Variants in CNTNAP1 observed in about 807,000 individuals in gnomAD.
The protein encoded by CNTNAP1 is contactin-associated protein 1.
A neutral mutation model predicts 161.5 loss-of-function variants in CNTNAP1; 80 were observed. The observed-to-expected ratio is 0.50, with a 90% CI of 0.41 to 0.60. The LOEUF (loss-of-function observed/expected upper bound fraction) is 0.60, where lower values mean the gene tolerates loss of function less well. CNTNAP1 is among the 20% of genes least tolerant of loss of function. The pLI, the probability that CNTNAP1 is intolerant of heterozygous loss-of-function variation, is 0.00. For synonymous variants in CNTNAP1, 695 were observed against 733.1 expected, an observed-to-expected ratio of 0.95 and a Z score of 0.84; for missense variants, 1,464 against 1,854.8, an observed-to-expected ratio of 0.79 and a Z score of 3.87.
rs2053168442 is a variant in CNTNAP1, at chr17:42,697,649, A to G, written c.3664A>G (p.Lys1222Glu). ...TCGATTCAACAACGTGGCTCCCCTC[A>G]AGACCCACTTCCGAACCCCTCGACC... is the stretch of plus-strand genomic sequence containing the variant. Reference protein sequence around the residue: ...GVRFNNVAPLKTHFRTPRPMT... With the variant: ...GVRFNNVAPLETHFRTPRPMT... The change falls in exon 22 of 24, where the codon AAG becomes GAG. Residue 1222 changes from lysine (K) to glutamate (E), a missense_variant. Lys to Glu is a moderately conservative substitution (Grantham distance 56, BLOSUM62 1). Transcript: ENST00000264638. 2 of 1,613,966 alleles carry G rather than the reference A, an allele frequency of 1.2e-6. No homozygotes were observed. The highest frequency in any genetic ancestry group is 8.5e-7 in the Non-Finnish European group (1 of 1,180,006).
intron 18 of CNTNAP1, among the ~76,000 whole-genome samples, chr17:42,694,524 G>A (rs1265809621): frequency 1.3e-5 from 2 of 152,000 alleles, no homozygotes; most frequent in African/African-American, 4.8e-5. Flanking sequence ...TAGCTACTCG[G>A]GAGGCTGAGG....
chr17:42,682,753 C>G lies in CNTNAP1; in HGVS notation c.-77C>G. On this transcript the variant is annotated 5_prime_UTR_variant, in exon 1 of 24. Transcript: ENST00000264638. ...TCTGCTGCAAACCCCAGGAGGAGAG[C>G]TTGGAGCCCAAGCCAGAACTCGAGC... 1 of 1,456,586 alleles carries G rather than the reference C, an allele frequency of 6.9e-7. No individual in the cohort carries two copies. Among genetic ancestry groups the G allele is most frequent in the Non-Finnish European group, 9.3e-7 (1 of 1,071,530 alleles). The allele number at this position is 1,456,586 out of a possible 1,614,324, so 90.2% of individuals were successfully genotyped here. A position where few individuals can be genotyped will look rare whatever the true frequency, so the allele number is the denominator to read the frequency against.
chr17:42,687,579 T>C lies in CNTNAP1; in HGVS notation c.1045-141T>C. ...ATGGACGAGCTTGGAGGGGAAGAGGTCACGTCATGGTTGGAGATCTCACCC... is the reference window on the plus strand; with the variant it reads ...ATGGACGAGCTTGGAGGGGAAGAGGCCACGTCATGGTTGGAGATCTCACCC... On this transcript the variant is annotated intron_variant, in intron 7 of 23. Transcript: ENST00000264638. This position sits in a 1 kb window ranked among gnomAD's most constrained non-coding sequence, Gnocchi z 4.7. 1.8e-6 allele frequency: 2 copies of C among 1,125,428 alleles called. No individual in the cohort carries two copies. The highest frequency in any genetic ancestry group is 2.6e-6 in the Non-Finnish European group (2 of 782,854). The allele number at this position is 1,125,428 out of a possible 1,614,324, so 69.7% of individuals were successfully genotyped here. A position where few individuals can be genotyped will look rare whatever the true frequency, so the allele number is the denominator to read the frequency against.
In CNTNAP1 at chr17:42,693,465, G is replaced by GTTTC; in HGVS notation, c.2921_2922insTTTC (p.Val975PhefsTer6). ...CTCCCCTGTTTCCATGGAGGCCGCTGCGTGGAGCGCTATAGCTACTACACG... is the reference window on the plus strand; with the variant it reads ...CTCCCCTGTTTCCATGGAGGCCGCTGTTTCCGTGGAGCGCTATAGCTACTACACG... On this transcript the variant is annotated frameshift_variant, in exon 18 of 24. Transcript: ENST00000264638. LOFTEE classifies it high-confidence loss of function. 1 of 1,614,240 alleles carries GTTTC rather than the reference G, an allele frequency of 6.2e-7. No individual in the cohort carries two copies. The highest frequency in any genetic ancestry group is 8.5e-7 in the Non-Finnish European group (1 of 1,180,058).
Position 42,697,921 on chromosome 17 carries a change from A to G in CNTNAP1, c.3833A>G (p.Asp1278Gly). Residue 1278 changes from aspartate (D) to glycine (G), a missense_variant, in exon 23 of 24, where the codon GAT (aspartate) becomes GGT (glycine). By Grantham distance (94) the Asp-to-Gly change is moderately conservative (BLOSUM62 -1). Transcript: ENST00000264638. ...YLPPDFPYYH[D>G]EGWVAILLGF... The stretch of plus-strand genomic sequence containing the variant: ...TCTCCAGACTTCCCCTACTACCATG[A>G]TGAAGGATGGGTTGCCATACTTTTA... 1 of 1,614,156 alleles carries G rather than the reference A, an allele frequency of 6.2e-7. No homozygotes were observed. Among genetic ancestry groups the G allele is most frequent in the Non-Finnish European group, 8.5e-7 (1 of 1,180,016 alleles).
rs181834190 is a variant in CNTNAP1, at chr17:42,683,432, C to T, written c.68-389C>T. On this transcript the variant is annotated intron_variant, in intron 1 of 23. Transcript: ENST00000264638. ...GCAAGGCCTGTATTTGGGGATGGTG[C>T]AGGTTTTGGGGGCCGAGTTGGATTG... The T allele has an allele frequency of 3.2e-5, 35 of 1,095,162 alleles. 1 individual carries two copies. The African/African-American group carries it at 5.7e-4, about 18-fold the overall frequency. The allele number at this position is 1,095,162 out of a possible 1,614,324, so 67.8% of individuals were successfully genotyped here.
Position 42,692,588 on chromosome 17 carries a change from G to A in CNTNAP1, c.2620G>A (p.Glu874Lys), listed in dbSNP as rs759437296. The A allele has an allele frequency of 2.0e-5, 33 of 1,614,052 alleles. No individual in the cohort carries two copies. Among genetic ancestry groups the A allele is most frequent in the East Asian group, 4.5e-5 (2 of 44,900 alleles). Residue 874 changes from glutamate (E) to lysine (K), a missense_variant, in exon 17 of 24, where the codon GAG becomes AAG. By Grantham distance (56) the Glu-to-Lys change is moderately conservative (BLOSUM62 1). Around this residue, in one of 3 missense-constraint regions of CNTNAP1, gnomAD observed 1,383 missense variants for 1,765.0 expected, o/e 0.78. Transcript: ENST00000264638. ...HSDDFEFNDDEWHLVRAEINV... is the reference protein window; with the variant it reads ...HSDDFEFNDDKWHLVRAEINV... ...AGACGACTTTGAGTTCAATGATGAC[G>A]AGTGGCACCTGGTCCGGGCTGAAAT...
Position 42,685,452 on chromosome 17 carries a change from C to G in CNTNAP1, c.715+32C>G. The G allele has an allele frequency of 1.3e-6, 2 of 1,579,892 alleles. No homozygotes were observed. The highest frequency in any genetic ancestry group is 3.4e-5 in the Admixed American group (2 of 58,584). ...TCGGCGACCATGTGCGATGCGGAGCCAACCCCTGAAGCTCTCTCACCGCCC... is the reference window on the plus strand; with the variant it reads ...TCGGCGACCATGTGCGATGCGGAGCGAACCCCTGAAGCTCTCTCACCGCCC... On this transcript the variant is annotated intron_variant, in intron 5 of 23. Coordinates refer to ENST00000264638, the MANE Select transcript of CNTNAP1 (RefSeq NM_003632.3). The surrounding 1 kb of genome is among the most constrained non-coding windows in gnomAD (Gnocchi z 5.0).
intron 6 of CNTNAP1, among the ~76,000 whole-genome samples, chr17:42,686,559 TG>T (rs1221506106): frequency 1.7e-4 from 25 of 146,868 alleles, no homozygotes; most frequent in Non-Finnish European, 3.0e-5. Context: ...AGATGGGGTT[TG>T]GAAATTCAGA....
chr17:42,689,416 C>G, intron 10 of CNTNAP1, 105 bp from the exon 11 acceptor site: 1 of 883,770 alleles, frequency 1.1e-6, no homozygotes. Flanking sequence ...TGTGTCTCAC[C>G]GGGTTCTGGG....
At chr17:42,686,878 G>A (rs374901318) in intron 6 of CNTNAP1, 25 bp from the exon 7 acceptor site, 155 of 1,582,844 alleles carry the variant, frequency 9.8e-5, no homozygotes, top group Non-Finnish European at 1.3e-4. Flanking sequence ...TGCCCAAGAG[G>A]CCTCATTCCC....
rs2052970302 is a variant in CNTNAP1, at chr17:42,683,855, T to G, written c.102T>G (p.Tyr34Ter). 1.2e-6 allele frequency: 2 copies of G among 1,612,708 alleles called. No homozygotes were observed. Among genetic ancestry groups the G allele is most frequent in the African/African-American group, 1.3e-5 (1 of 74,886 alleles). The change falls in exon 2 of 24, where the codon TAT (tyrosine) becomes TAG (stop). Residue 34 changes from tyrosine (Y) to a stop codon, truncating the protein, a stop_gained. Transcript: ENST00000264638. LOFTEE classifies it high-confidence loss of function. ...ACGAGGAGCTGGTGGGTCCCCTGTA[T>G]GCACGCTCCCTGGGCGCCTCCTCCT... ...GCDEELVGPL[Y>*]ARSLGASSYY...
chr17:42,698,123 T>C (rs1485905770), intron 23 of CNTNAP1, among the ~76,000 whole-genome samples, 173 bp downstream of exon 23: 1 of 151,776 alleles, frequency 6.6e-6, no homozygotes, highest in Admixed American at 6.6e-5. Flanking sequence ...GGGCAGAGAT[T>C]TTTAGATGTT....
At chr17:42,683,378 G>A (rs2052962553) in intron 1 of CNTNAP1, 1 of 1,081,324 alleles carries the variant, frequency 9.2e-7, no homozygotes, top group Non-Finnish European at 1.1e-6. Flanking sequence ...TGGAGCTGGT[G>A]ATGGTGCTAG....
Position 42,690,738 on chromosome 17 carries a change from G to C in CNTNAP1, c.1856-1G>C. 3 of 1,613,376 alleles carry C rather than the reference G, an allele frequency of 1.9e-6. No individual in the cohort carries two copies. The highest frequency in any genetic ancestry group is 2.5e-6 in the Non-Finnish European group (3 of 1,179,408). ...AAGCTCTGTCCCCTCTTGTCTGCCA[G>C]AGAACCGAGCGTGGACAGTTGTGCG... On this transcript the variant is annotated splice_acceptor_variant, in intron 12 of 23. Transcript: ENST00000264638. LOFTEE classifies it high-confidence loss of function.
Position 42,691,068 on chromosome 17 carries a change from G to A in CNTNAP1, c.2060-69G>A. ...TTCAAGGAGGGGTCTGAACTCGCTG[G>A]AAGGGCGAGAGGAGCCCAGAGGCTA... On this transcript the variant is annotated intron_variant, in intron 13 of 23. Transcript: ENST00000264638. This position sits in a 1 kb window ranked among gnomAD's most constrained non-coding sequence, Gnocchi z 4.3. The A allele has an allele frequency of 6.3e-7, 1 of 1,597,660 alleles. No individual in the cohort carries two copies. Among genetic ancestry groups the A allele is most frequent in the Middle Eastern group, 2.0e-4 (1 of 5,100 alleles).
intron 17 of CNTNAP1, 100 bp downstream of exon 17, chr17:42,692,820 T>A (rs973581311): frequency 9.6e-7 from 1 of 1,046,502 alleles, no homozygotes; most frequent in Non-Finnish European, 1.4e-6. Flanking sequence ...TAGGTGCCAG[T>A]CCCCTCTGCT....
intron 18 of CNTNAP1, among the ~76,000 whole-genome samples, chr17:42,695,203 C>A (rs1211308940): frequency 6.6e-6 from 1 of 152,188 alleles, no homozygotes; most frequent in Non-Finnish European, 1.5e-5. Context: ...CTGCCTTGGC[C>A]TCCCAAAGTG....
rs1291842015 is a variant in CNTNAP1, at chr17:42,685,021, G to A, written c.394G>A (p.Val132Met). 6.9e-6 allele frequency: 11 copies of A among 1,602,428 alleles called. No individual in the cohort carries two copies. Among genetic ancestry groups the A allele is most frequent in the Non-Finnish European group, 9.4e-6 (11 of 1,175,904 alleles). Residue 132 changes from valine to methionine, a missense_variant, in exon 4 of 24, where the codon GTG becomes ATG. This residue lies in a region of CNTNAP1 where 1,383 missense variants were observed against 1,765.0 expected (regional missense o/e 0.78). Transcript: ENST00000264638. This position sits in a 1 kb window ranked among gnomAD's most constrained non-coding sequence, Gnocchi z 5.0. ...TFFGNVNESA[V>M]VRHDLHFHFT... ...CTTTGGTAACGTGAACGAGTCGGCG[G>A]TGGTGCGCCATGACCTGCACTTCCA...
Sources: gnomAD v4.1 joint callset for allele counts (sites outside exome capture counted in the v4.1 genomes callset) on GRCh38, gnomAD v4.1.1 for gene constraint, gnomAD v4.1.1 regional missense constraint, Gnocchi (gnomAD v3.1) non-coding constraint, MANE v1.5 for transcripts, NCBI Gene and HGNC (gene_info 2026-07-23, HGNC 2026-07-21) for gene names.